Variants in RRBP1 observed in about 807,000 individuals in gnomAD.
The protein encoded by RRBP1 is ribosome binding protein 1.
RRBP1 carries 94 observed loss-of-function variants against 165.2 expected under a neutral mutation model. The observed-to-expected ratio is 0.57, with a 90% confidence interval of 0.48 to 0.68. RRBP1 has a LOEUF of 0.68. Ranked by LOEUF, RRBP1 falls within the 30% of genes least tolerant of loss-of-function variation. The pLI, the probability that RRBP1 is intolerant of heterozygous loss-of-function variation, is 0.00. For missense variants in RRBP1, 1,676 were observed against 1,763.0 expected (o/e 0.95, Z 0.88); for synonymous variants, 680 against 714.5 (o/e 0.95, Z 0.77).
chr20:17,615,903 A>G (rs1448294679), intron 22 of RRBP1, 23 bp downstream of exon 22: 3 of 1,596,046 alleles, frequency 1.9e-6, no homozygotes, highest in South Asian at 1.1e-5. Flanking sequence ...ATGGGGGCTG[A>G]GAGCCACCAG....
intron 9 of RRBP1, 104 bp from the exon 10 acceptor site, chr20:17,627,786 G>T: frequency 9.2e-7 from 1 of 1,084,434 alleles, no homozygotes; most frequent in Non-Finnish European, 1.3e-6. Context: ...GGCACCGAGG[G>T]CTTCCTCCTG....
chr20:17,644,366 T>C (rs1335346177), intron 3 of RRBP1, among the ~76,000 whole-genome samples: 1 of 152,214 alleles, frequency 6.6e-6, no homozygotes, highest in Non-Finnish European at 1.5e-5. Context: ...AATACGTGTA[T>C]GTACATAAAG....
intron 6 of RRBP1, among the ~76,000 whole-genome samples, chr20:17,636,001 C>T (rs889507188): frequency 6.6e-6 from 1 of 152,246 alleles, no homozygotes. Flanking sequence ...AAAGCACATG[C>T]ACCGCCTCTA....
intron 22 of RRBP1, among the ~76,000 whole-genome samples, 189 bp downstream of exon 22, chr20:17,615,737 C>T (rs942382269): frequency 6.6e-6 from 1 of 152,232 alleles, no homozygotes; most frequent in African/African-American, 2.4e-5. Flanking sequence ...AGACCACCCA[C>T]AGGGCTCCCA....
At chr20:17,625,088 G>A (rs1600730995) in intron 12 of RRBP1, among the ~76,000 whole-genome samples, 1 of 152,234 alleles carries the variant, frequency 6.6e-6, no homozygotes, top group East Asian at 1.9e-4. Flanking sequence ...GAGCAACAGG[G>A]CCAGCCAGCA....
rs942318254 is a variant in RRBP1, at chr20:17,635,660, C to T, written c.2342G>A (p.Arg781Gln). Residue 781 changes from arginine (R) to glutamine (Q), a missense_variant, in exon 7 of 25, where the codon CGG becomes CAG. Coordinates refer to ENST00000377813, the MANE Select transcript of RRBP1 (RefSeq NM_001365613.2). ...KEVQQLQGKI[R>Q]TLQEQLENGP... ...ATTCTCCAGCTGCTCCTGAAGAGTC[C>T]GGATCTGGAAAGTCACGGGCAAGGG... The T allele has an allele frequency of 6.2e-6, 10 of 1,612,812 alleles. No homozygotes were observed. The highest frequency in any genetic ancestry group is 5.0e-5 in the Admixed American group (3 of 59,944).
chr20:17,615,675 A>G, intron 22 of RRBP1, 146 bp from the exon 23 acceptor site: 2 of 664,530 alleles, frequency 3.0e-6, no homozygotes, highest in Admixed American at 3.1e-5. Flanking sequence ...TGAGTGGGCC[A>G]GACCCACAAG....
intron 1 of RRBP1, among the ~76,000 whole-genome samples, chr20:17,681,494 C>T (rs1048181557): frequency 1.9e-4 from 28 of 148,792 alleles, no homozygotes; most frequent in Admixed American, 6.0e-4. Flanking sequence ...GGCCCGTGGG[C>T]CCCCATTCAA....
intron 13 of RRBP1, among the ~76,000 whole-genome samples, chr20:17,623,501 C>T (rs1383829004): frequency 6.6e-6 from 1 of 152,216 alleles, no homozygotes; most frequent in African/African-American, 2.4e-5. Context: ...GCCCAGCACC[C>T]CAAAAGCAAC....
rs1332930078 is a variant in RRBP1, at chr20:17,657,725, A to G, written c.1912+871T>C. The stretch of plus-strand genomic sequence containing the variant: ...ACCAATTTCTACAGTAATATACACT[A>G]AACAGATAAAGGTAAACCAGTGCTT... On this transcript the variant is annotated intron_variant, in intron 3 of 24. Coordinates refer to ENST00000377813, the MANE Select transcript of RRBP1 (RefSeq NM_001365613.2). Among the ~76,000 whole-genome samples the G allele has an allele frequency of 3.3e-5, 5 of 152,338 alleles. No homozygotes were observed. The East Asian group carries it at 7.7e-4, about 23-fold the overall frequency.
At chr20:17,641,383 G>A (rs1185870900) in intron 5 of RRBP1, 2 of 197,612 alleles carry the variant, frequency 1.0e-5, no homozygotes, top group South Asian at 8.5e-5. Context: ...ACAAGGTTTT[G>A]CATAATCCTC....
At chr20:17,630,407 T>C (rs907850676) in intron 8 of RRBP1, among the ~76,000 whole-genome samples, 2 of 152,248 alleles carry the variant, frequency 1.3e-5, no homozygotes, top group Non-Finnish European at 2.9e-5. Context: ...GATCACGCTA[T>C]AGGGCAGTGC....
chr20:17,652,277 T>C lies in RRBP1; in HGVS notation c.1912+6319A>G, dbSNP rs573620491. Among the ~76,000 whole-genome samples the C allele has an allele frequency of 2.9e-4, 44 of 152,344 alleles. 1 individual carries two copies. The highest frequency in any genetic ancestry group is 1.1e-3 in the African/African-American group (44 of 41,574). ...GGAGCCACTAGCCACATGTGACTAG[T>C]AGGCACTTGGAATGTGGCTAGTGTG... On this transcript the variant is annotated intron_variant, in intron 3 of 24. Transcript: ENST00000377813.
intron 3 of RRBP1, among the ~76,000 whole-genome samples, chr20:17,650,867 A>G (rs1007258104): frequency 3.9e-5 from 6 of 152,204 alleles, no homozygotes; most frequent in African/African-American, 1.2e-4. Context: ...CCTGCAAACA[A>G]AGACTCAATC....
rs532002953 is a variant in RRBP1 at position 17,659,809 on chromosome 20, C to T, written c.699G>A (p.Glu233=). Residue 233 remains glutamate (E), a synonymous_variant, in exon 3 of 25, where the codon GAG becomes GAA. Coordinates refer to ENST00000377813, the MANE Select transcript of RRBP1 (RefSeq NM_001365613.2). The part of the protein sequence containing the change: ...EGTPNQGKKT[E]GTPNQGKKAE... ...CCTTTTTCCCTTGGTTTGGGGTTCC[C>T]TCTGTCTTTTTGCCCTGGTTTGGGG... 7 of 1,550,362 alleles carry T rather than the reference C, an allele frequency of 4.5e-6. No individual in the cohort carries two copies. Among genetic ancestry groups the T allele is most frequent in the South Asian group, 1.2e-5 (1 of 84,020 alleles).
chr20:17,641,992 G>A lies in RRBP1; in HGVS notation c.2062-73C>T. 3 of 1,513,860 alleles carry A rather than the reference G, an allele frequency of 2.0e-6. No homozygotes were observed. The Admixed American group carries it at 5.3e-5, about 27-fold the overall frequency. The allele number at this position is 1,513,860 out of a possible 1,614,324, so 93.8% of individuals were successfully genotyped here. A position where few individuals can be genotyped will look rare whatever the true frequency, so the allele number is the denominator to read the frequency against. On this transcript the variant is annotated intron_variant, in intron 4 of 24. Transcript: ENST00000377813. ...GCTCATCCCCTGACCCCGGACAAGA[G>A]CAGAGGCCTGAGGGCTTGATGAAGT...
chr20:17,674,869 C>A (rs996231739), intron 2 of RRBP1, among the ~76,000 whole-genome samples: 4 of 152,350 alleles, frequency 2.6e-5, no homozygotes, highest in African/African-American at 9.6e-5. Flanking sequence ...AACAAATGTT[C>A]TGTTTCCTGG....
chr20:17,673,976 CAA>C (rs1263021761), intron 2 of RRBP1, among the ~76,000 whole-genome samples: 1 of 152,194 alleles, frequency 6.6e-6, no homozygotes, highest in African/African-American at 2.4e-5. Flanking sequence ...CTAATTACTA[CAA>C]ATACCTAGAA....
At position 17,619,552 on chromosome 20, in the gene RRBP1, C is replaced by T. The variant is rs188850622; in HGVS notation, c.3675+81G>A. On this transcript the variant is annotated intron_variant, in intron 19 of 24. Coordinates refer to ENST00000377813, the MANE Select transcript of RRBP1 (RefSeq NM_001365613.2). ...AGGCTTATGTCACCGAGAGCTGCTC[C>T]CACAGGGCTGAGGAGAAGCAGCTCA... is the stretch of plus-strand genomic sequence containing the variant. 8.7e-5 allele frequency: 89 copies of T among 1,018,530 alleles called. 1 individual carries two copies. The highest frequency in any genetic ancestry group is 1.1e-4 in the Non-Finnish European group (79 of 703,262). The allele number at this position is 1,018,530 out of a possible 1,614,324, so 63.1% of individuals were successfully genotyped here.
Sources: gnomAD v4.1 joint callset for allele counts (sites outside exome capture counted in the v4.1 genomes callset) on GRCh38, gnomAD v4.1.1 for gene constraint, MANE v1.5 for transcripts, NCBI Gene and HGNC (gene_info 2026-07-23, HGNC 2026-07-21) for gene names.